Variants in PCED1B observed in about 807,000 individuals in gnomAD.
PCED1B encodes the protein PC-esterase domain-containing protein 1B.
For missense variants in PCED1B, 573 were observed against 573.9 expected, an observed-to-expected ratio of 1.00 and a Z score of 0.02; for synonymous variants, 251 against 246.1, an observed-to-expected ratio of 1.02 and a Z score of -0.19.
chr12:47,213,094 A>G (rs892140711), intron 2 of PCED1B, among the ~76,000 whole-genome samples: 5 of 152,214 alleles, frequency 3.3e-5, no homozygotes, highest in African/African-American at 9.7e-5. Context: ...GCTTTTCTCA[A>G]TCTGTAACAT....
intron 2 of PCED1B, among the ~76,000 whole-genome samples, chr12:47,175,584 T>TATGTATG (rs1565583528): frequency 6.4e-4 from 95 of 148,914 alleles, no homozygotes; most frequent in African/African-American, 2.4e-3. Flanking sequence ...ATGTATGTAT[T>TATGTATG]TATTTTGAGA....
At chr12:47,150,601 T>C (rs1239468992) in intron 2 of PCED1B, among the ~76,000 whole-genome samples, 1 of 149,736 alleles carries the variant, frequency 6.7e-6, no homozygotes, top group African/African-American at 2.5e-5. Flanking sequence ...GAAATAACTA[T>C]GTAAGATACC....
chr12:47,117,085 T>C (rs1011688118), intron 2 of PCED1B, among the ~76,000 whole-genome samples: 3 of 152,112 alleles, frequency 2.0e-5, no homozygotes, highest in African/African-American at 7.2e-5. Flanking sequence ...TGGGCTGAAG[T>C]GATCCTCCCA....
intron 2 of PCED1B, among the ~76,000 whole-genome samples, chr12:47,181,063 C>T (rs1013023480): frequency 6.6e-6 from 1 of 151,754 alleles, no homozygotes; most frequent in Non-Finnish European, 1.5e-5. Flanking sequence ...TGGCTCACTA[C>T]AGCCTCAACC....
intron 3 of PCED1B, among the ~76,000 whole-genome samples, chr12:47,232,384 TTCTA>T (rs1342440240): frequency 5.9e-5 from 9 of 152,318 alleles, no homozygotes; most frequent in African/African-American, 1.7e-4. Flanking sequence ...AAACTTAATA[TTCTA>T]TCTGTTTTAA....
At chr12:47,190,568 C>T (rs1337043025) in intron 2 of PCED1B, among the ~76,000 whole-genome samples, 1 of 152,242 alleles carries the variant, frequency 6.6e-6, no homozygotes, top group Non-Finnish European at 1.5e-5. Context: ...GCAAATCCTG[C>T]ATCTGGGATA....
chr12:47,163,807 C>T (rs900126130), intron 2 of PCED1B, among the ~76,000 whole-genome samples: 1 of 152,158 alleles, frequency 6.6e-6, no homozygotes, highest in Non-Finnish European at 1.5e-5. Context: ...CAACATAGCA[C>T]CCAACTTCTG....
intron 2 of PCED1B, among the ~76,000 whole-genome samples, chr12:47,105,947 T>A (rs889318191): frequency 2.6e-5 from 4 of 152,252 alleles, no homozygotes; most frequent in Admixed American, 6.5e-5. Context: ...ATTCTAATAA[T>A]GATGCCGTTA....
intron 2 of PCED1B, among the ~76,000 whole-genome samples, chr12:47,196,348 G>A (rs775122955): frequency 1.5e-4 from 23 of 152,166 alleles, no homozygotes; most frequent in Non-Finnish European, 2.5e-4. Flanking sequence ...TTGTGCCTCA[G>A]TTTTCTGATC....
At chr12:47,118,428 C>A (rs576957480) in intron 2 of PCED1B, among the ~76,000 whole-genome samples, 2 of 152,296 alleles carry the variant, frequency 1.3e-5, no homozygotes, top group Admixed American at 1.3e-4. Flanking sequence ...GTTTTCCCAG[C>A]ACCATTTATT....
chr12:47,114,219 A>T (rs1486744494), intron 2 of PCED1B, among the ~76,000 whole-genome samples: 1 of 152,176 alleles, frequency 6.6e-6, no homozygotes, highest in African/African-American at 2.4e-5. Flanking sequence ...TTAGAGGCTT[A>T]TCTTTTACAC....
At chr12:47,119,610 T>C (rs957889047) in intron 2 of PCED1B, among the ~76,000 whole-genome samples, 1 of 152,096 alleles carries the variant, frequency 6.6e-6, no homozygotes, top group Middle Eastern at 3.4e-3. Context: ...AGACAACTCA[T>C]AAAATGGGAG....
intron 2 of PCED1B, among the ~76,000 whole-genome samples, chr12:47,134,588 G>A (rs1170900695): frequency 6.6e-6 from 1 of 152,156 alleles, no homozygotes; most frequent in East Asian, 1.9e-4. Context: ...CAAAGTCTTA[G>A]GTCTGGTGCA....
chr12:47,116,216 C>T (rs953912530), intron 2 of PCED1B, among the ~76,000 whole-genome samples: 1 of 152,130 alleles, frequency 6.6e-6, no homozygotes, highest in Non-Finnish European at 1.5e-5. Flanking sequence ...TATTTGCAGA[C>T]ACACCCTGAG....
intron 1 of PCED1B, among the ~76,000 whole-genome samples, chr12:47,090,152 T>C (rs1240830441): frequency 6.6e-6 from 1 of 152,132 alleles, no homozygotes; most frequent in Non-Finnish European, 1.5e-5. Context: ...TTAAAGATGA[T>C]CTCTCCCTAT....
chr12:47,212,196 C>G (rs960843283), intron 2 of PCED1B, among the ~76,000 whole-genome samples: 1 of 151,820 alleles, frequency 6.6e-6, no homozygotes, highest in Admixed American at 6.6e-5. Flanking sequence ...GTGAGGATCA[C>G]TTGAGCCCGG....
intron 3 of PCED1B, among the ~76,000 whole-genome samples, chr12:47,217,458 A>AAG (rs1565607709): frequency 0.022 from 2,205 of 100,022 alleles, 93 homozygotes; most frequent in Middle Eastern, 0.053. Flanking sequence ...GAAAGAAAGA[A>AAG]AAAGAAAGAA....
At position 47,236,420 on chromosome 12, in the gene PCED1B, CT is replaced by C; in HGVS notation, c.*61del. The C allele has an allele frequency of 7.0e-7, 1 of 1,435,846 alleles. No homozygotes were observed. The allele number at this position is 1,435,846 out of a possible 1,614,324, so 88.9% of individuals were successfully genotyped here. Reference sequence around the variant, plus strand: ...ATGGATTGGACAGATCTGACACTTCCTTTCCATTGCTTGGCCTGAACAGACT... The same window carrying C: ...ATGGATTGGACAGATCTGACACTTCCTTCCATTGCTTGGCCTGAACAGACT... On this transcript the variant is annotated 3_prime_UTR_variant, in exon 4 of 4. Transcript: ENST00000546455.
At chr12:47,120,728 G>A (rs1939641514) in intron 2 of PCED1B, among the ~76,000 whole-genome samples, 1 of 152,126 alleles carries the variant, frequency 6.6e-6, no homozygotes, top group South Asian at 2.1e-4. Context: ...CTTGAACCCG[G>A]GAGGCAGAGG....
Sources: allele counts gnomAD v4.1 joint callset (sites outside exome capture counted in the v4.1 genomes callset), GRCh38; gene constraint gnomAD v4.1.1; transcripts MANE v1.5; gene names NCBI Gene and HGNC (gene_info 2026-07-23, HGNC 2026-07-21).